Variants in APBA2 observed in about 807,000 individuals in gnomAD.
APBA2 encodes amyloid-beta A4 precursor protein-binding family A member 2.
APBA2 carries 30 observed loss-of-function variants against 75.0 expected under a neutral mutation model. That is an observed-to-expected ratio of 0.40 (90% CI 0.30 to 0.54). APBA2 has a LOEUF of 0.54. APBA2 is among the 20% of genes least tolerant of loss of function. APBA2 has a pLI of 0.49. For synonymous variants in APBA2, 444 were observed against 409.6 expected, an observed-to-expected ratio of 1.08 and a Z score of -1.01; for missense variants, 801 against 1,016.1, an observed-to-expected ratio of 0.79 and a Z score of 2.88.
rs1165814854 is a variant in APBA2, at chr15:29,106,631, G to C, written c.1729G>C (p.Glu577Gln). ...GCTGCAGCTGGAGAAGCACAAGGGC[G>C]AGATCCTGGGCGTGGTGGTGGTGGA... ...KELQLEKHKG[E>Q]ILGVVVVESG... The change falls in exon 12 of 15, where the codon GAG becomes CAG. Residue 577 changes from glutamate to glutamine, a missense_variant. Glu to Gln is a conservative substitution (Grantham distance 29). Transcript: ENST00000683413. 2 of 1,613,062 alleles carry C rather than the reference G, an allele frequency of 1.2e-6. No homozygotes were observed. Among genetic ancestry groups the C allele is most frequent in the African/African-American group, 2.7e-5 (2 of 74,932 alleles).
At chr15:29,080,219 A>T (rs957203069) in intron 6 of APBA2, among the ~76,000 whole-genome samples, 3 of 152,228 alleles carry the variant, frequency 2.0e-5, no homozygotes, top group Non-Finnish European at 4.4e-5. Flanking sequence ...CTATATCCAC[A>T]GCTCAGGGAG....
At position 28,971,246 on chromosome 15, in the gene APBA2, G is replaced by A. The variant is rs1453495144; in HGVS notation, c.-94-24507G>A. Reference sequence around the variant, plus strand: ...ATTTTTTTTAATCACGATTGGATAAGGGGGGATCCCTGCAAGATAACAGCG... The same window carrying A: ...ATTTTTTTTAATCACGATTGGATAAAGGGGGATCCCTGCAAGATAACAGCG... On this transcript the variant is annotated intron_variant, in intron 2 of 14. Coordinates refer to ENST00000683413, the MANE Select transcript of APBA2 (RefSeq NM_001353788.2). 2.6e-5 allele frequency among the ~76,000 whole-genome samples: 4 copies of A among 151,898 alleles called. No homozygotes were observed. The East Asian group carries it at 7.7e-4, about 29-fold the overall frequency.
chr15:28,969,439 C>G (rs1394136388), intron 2 of APBA2, among the ~76,000 whole-genome samples: 1 of 152,076 alleles, frequency 6.6e-6, no homozygotes, highest in South Asian at 2.1e-4. Flanking sequence ...CTTGGCCTCC[C>G]AAAGTGCTGG....
At chr15:28,959,754 G>A (rs151278164) in intron 2 of APBA2, among the ~76,000 whole-genome samples, 3 of 152,208 alleles carry the variant, frequency 2.0e-5, no homozygotes, top group African/African-American at 7.2e-5. Context: ...AGTTCAGGGA[G>A]CATGGGGCCT....
intron 1 of APBA2, among the ~76,000 whole-genome samples, chr15:28,907,420 T>G (rs1391621606): frequency 6.6e-6 from 1 of 152,214 alleles, no homozygotes; most frequent in African/African-American, 2.4e-5. Flanking sequence ...CCATTACCTC[T>G]TCATTCCTCT....
chr15:28,959,934 A>G (rs1197261190), intron 2 of APBA2, among the ~76,000 whole-genome samples: 1 of 152,188 alleles, frequency 6.6e-6, no homozygotes, highest in East Asian at 1.9e-4. Context: ...ACTTGAACCC[A>G]GGAATTTGAG....
At chr15:28,968,062 G>A (rs1395148873) in intron 2 of APBA2, among the ~76,000 whole-genome samples, 5 of 152,224 alleles carry the variant, frequency 3.3e-5, no homozygotes, top group Admixed American at 6.5e-5. Flanking sequence ...GTGCGTGACT[G>A]ACTTCTTTCC....
Position 29,101,664 on chromosome 15 carries a change from G to A in APBA2, c.1404G>A (p.Val468=). The part of the protein sequence containing the change: ...SYIADIGNIV[V]LMARRRMPRS... ...TCGCCGACATTGGGAACATTGTAGTGCTGATGGCCAGACGCCGCATGCCCC... is the reference window on the plus strand; with the variant it reads ...TCGCCGACATTGGGAACATTGTAGTACTGATGGCCAGACGCCGCATGCCCC... Residue 468 remains valine, a synonymous_variant, in exon 10 of 15, where the codon GTG becomes GTA. Coordinates refer to ENST00000683413, the MANE Select transcript of APBA2 (RefSeq NM_001353788.2). The A allele has an allele frequency of 1.2e-6, 2 of 1,613,760 alleles. No homozygotes were observed. Among genetic ancestry groups the A allele is most frequent in the Non-Finnish European group, 1.7e-6 (2 of 1,180,026 alleles).
At chr15:28,971,476 G>C (rs1015040417) in intron 2 of APBA2, among the ~76,000 whole-genome samples, 1 of 152,106 alleles carries the variant, frequency 6.6e-6, no homozygotes, top group African/African-American at 2.4e-5. Context: ...GCAGCGGCCT[G>C]GTCCCACCCT....
intron 2 of APBA2, among the ~76,000 whole-genome samples, chr15:28,946,972 G>A (rs911910069): frequency 1.3e-5 from 2 of 152,206 alleles, no homozygotes; most frequent in Non-Finnish European, 1.5e-5. Flanking sequence ...AGCAGCCATA[G>A]GAAGCTAACA....
chr15:28,984,474 G>A (rs929676938), intron 2 of APBA2, among the ~76,000 whole-genome samples: 3 of 152,208 alleles, frequency 2.0e-5, no homozygotes, highest in Admixed American at 2.0e-4. Context: ...TTCTGAGCCA[G>A]TATCAGCTTC....
chr15:29,037,269 G>A (rs573191817), intron 3 of APBA2, among the ~76,000 whole-genome samples: 19 of 152,144 alleles, frequency 1.2e-4, no homozygotes, highest in South Asian at 1.0e-3. Context: ...CATTGAACCC[G>A]TCTTGGTAGC....
intron 7 of APBA2, 149 bp downstream of exon 7, chr15:29,093,369 C>A: frequency 8.1e-7 from 1 of 1,233,854 alleles, no homozygotes; most frequent in Non-Finnish European, 1.1e-6. Flanking sequence ...GCCAACGAGG[C>A]TGAGGGAGGC....
At chr15:28,886,561 G>C (rs904517007) in intron 1 of APBA2, among the ~76,000 whole-genome samples, 1 of 151,920 alleles carries the variant, frequency 6.6e-6, no homozygotes, top group Non-Finnish European at 1.5e-5. Flanking sequence ...CCCGCGCGGG[G>C]GGCACCGCGG....
rs55816230 is a variant in APBA2 at position 29,063,499 on chromosome 15, T to G, written c.951+8664T>G. ...GATCTGGGTCAGTGTCTGTATGGGT[T>G]GGGAGGGAAGTTGATCTGGTCAGTG... On this transcript the variant is annotated intron_variant, in intron 4 of 14. Transcript: ENST00000683413. 3.9e-3 allele frequency among the ~76,000 whole-genome samples: 176 copies of G among 45,462 alleles called. 6 individuals are homozygous for G. The highest frequency in any genetic ancestry group is 0.018 in the African/African-American group (140 of 7,618). The allele number at this position is 45,462 out of a possible 152,430, so 29.8% of individuals were successfully genotyped here. A position where few individuals can be genotyped will look rare whatever the true frequency, so the allele number is the denominator to read the frequency against.
chr15:29,030,005 G>T (rs1051688991), intron 3 of APBA2, among the ~76,000 whole-genome samples: 10 of 152,212 alleles, frequency 6.6e-5, no homozygotes, highest in African/African-American at 2.4e-4. Context: ...GCCATGTGGA[G>T]CTCTGGGTTC....
At chr15:29,062,224 A>G (rs1476293433) in intron 4 of APBA2, among the ~76,000 whole-genome samples, 1 of 152,022 alleles carries the variant, frequency 6.6e-6, no homozygotes, top group Non-Finnish European at 1.5e-5. Context: ...CCGCCCACCC[A>G]TGGCGTCAGG....
chr15:29,116,843 C>A (rs950879463), intron 14 of APBA2, among the ~76,000 whole-genome samples: 1 of 152,198 alleles, frequency 6.6e-6, no homozygotes, highest in Non-Finnish European at 1.5e-5. Flanking sequence ...TGTATTGACT[C>A]CTCTGGAGCC....
chr15:29,106,052 A>G lies in APBA2; in HGVS notation c.1704+494A>G, dbSNP rs149681963. On this transcript the variant is annotated intron_variant, in intron 11 of 14. Transcript: ENST00000683413. ...GGCTGAATGATTGTGTCTGCTGTGGATGAGTGGATGGTCTCTGCTGCTTGT... is the reference window on the plus strand; with the variant it reads ...GGCTGAATGATTGTGTCTGCTGTGGGTGAGTGGATGGTCTCTGCTGCTTGT... Among the ~76,000 whole-genome samples, 734 of 152,322 alleles carry G rather than the reference A, an allele frequency of 4.8e-3. 5 individuals carry two copies. The highest frequency in any genetic ancestry group is 0.017 in the African/African-American group (695 of 41,570).
Sources: gnomAD v4.1 joint callset for allele counts (sites outside exome capture counted in the v4.1 genomes callset) on GRCh38, gnomAD v4.1.1 for gene constraint, MANE v1.5 for transcripts, NCBI Gene and HGNC (gene_info 2026-07-23, HGNC 2026-07-21) for gene names.